ANKS1B: variants seen among roughly 807,000 people sequenced by gnomAD.
The protein encoded by ANKS1B is ankyrin repeat and sterile alpha motif domain-containing protein 1B.
In ANKS1B, 36 loss-of-function variants were observed where a neutral mutation model predicts 148.3. The ratio of observed to expected loss-of-function variants is 0.24; its 90% CI spans 0.19 to 0.32. The LOEUF (loss-of-function observed/expected upper bound fraction) is 0.32. Among genes scored for constraint, ANKS1B ranks in the 10% least tolerant of loss-of-function variants. The pLI is 1.00. For missense variants in ANKS1B, 1,157 were observed against 1,542.6 expected, an observed-to-expected ratio of 0.75 and a Z score of 4.19; for synonymous variants, 542 against 560.8, an observed-to-expected ratio of 0.97 and a Z score of 0.47.
At chr12:98,929,041 T>TACAC (rs146522154) in intron 17 of ANKS1B, among the ~76,000 whole-genome samples, 4 of 144,826 alleles carry the variant, frequency 2.8e-5, no homozygotes, top group African/African-American at 2.6e-5. Context: ...AAAACCCTAA[T>TACAC]ACACACACAC....
chr12:99,428,894 G>C (rs1416476454), intron 11 of ANKS1B, among the ~76,000 whole-genome samples: 1 of 152,120 alleles, frequency 6.6e-6, no homozygotes, highest in Non-Finnish European at 1.5e-5. Flanking sequence ...CAGAAAGTAA[G>C]GAATGCTCAA....
chr12:99,537,460 T>C lies in ANKS1B; in HGVS notation c.1273-32819A>G, dbSNP rs189794816. Among the ~76,000 whole-genome samples, 490 of 152,268 alleles carry C rather than the reference T, an allele frequency of 3.2e-3. 5 individuals carry two copies. The highest frequency in any genetic ancestry group is 5.6e-3 in the Non-Finnish European group (378 of 67,974). ...GTCTTCTGAATTAAGCCATTTTAAC[T>C]GGGTAAGATGATAGCTCATTGCAGT... On this transcript the variant is annotated intron_variant, in intron 9 of 26. Coordinates refer to ENST00000683438, the MANE Select transcript of ANKS1B (RefSeq NM_001352186.2).
intron 10 of ANKS1B, among the ~76,000 whole-genome samples, chr12:99,487,589 T>C (rs868714159): frequency 6.6e-6 from 1 of 150,450 alleles, no homozygotes; most frequent in Non-Finnish European, 1.5e-5. Context: ...CATGTATGTC[T>C]TTAGTAATTT....
At chr12:98,971,023 G>T (rs986487371) in intron 17 of ANKS1B, among the ~76,000 whole-genome samples, 5 of 152,128 alleles carry the variant, frequency 3.3e-5, no homozygotes, top group African/African-American at 1.2e-4. Context: ...AAGTTTCTAT[G>T]CTGTAAGAGC....
At chr12:99,154,480 ATTGCCACATCATGC>A in intron 14 of ANKS1B, 85 bp from the exon 15 acceptor site, 1 of 1,612,094 alleles carries the variant, frequency 6.2e-7, no homozygotes, top group Admixed American at 1.7e-5. Context: ...GAGAGGTGGC[ATTGCCACATCATGC>A]CCCTGGGAAA....
chr12:98,744,571 AAAATT>A lies in ANKS1B; in HGVS notation c.*1163_*1167del. ...TACAAATACTCCACAGAGACATTAAAAAATTAAAATACCTTAAAGAAATGTAAGTA... is the reference window on the plus strand; with the variant it reads ...TACAAATACTCCACAGAGACATTAAAAAAATACCTTAAAGAAATGTAAGTA... On this transcript the variant is annotated 3_prime_UTR_variant, in exon 27 of 27. Transcript: ENST00000683438. 2 of 683,124 alleles carry A rather than the reference AAAATT, an allele frequency of 2.9e-6. No homozygotes were observed. The highest frequency in any genetic ancestry group is 6.7e-5 in the South Asian group (1 of 14,866). The allele number at this position is 683,124 out of a possible 1,614,324, so 42.3% of individuals were successfully genotyped here. A position where few individuals can be genotyped will look rare whatever the true frequency, so the allele number is the denominator to read the frequency against.
intron 4 of ANKS1B, among the ~76,000 whole-genome samples, chr12:99,787,698 C>T (rs1323289702): frequency 6.6e-6 from 1 of 152,206 alleles, no homozygotes; most frequent in East Asian, 1.9e-4. Context: ...TTTTAACTTC[C>T]TACTGCTGAA....
At chr12:98,992,433 T>C (rs1472016503) in intron 17 of ANKS1B, among the ~76,000 whole-genome samples, 4 of 151,870 alleles carry the variant, frequency 2.6e-5, no homozygotes, top group Non-Finnish European at 5.9e-5. Flanking sequence ...ATCCTGGGGG[T>C]GATTTCCCTC....
At chr12:99,927,263 C>T (rs2153804233) in intron 1 of ANKS1B, among the ~76,000 whole-genome samples, 1 of 152,254 alleles carries the variant, frequency 6.6e-6, no homozygotes, top group South Asian at 2.1e-4. Flanking sequence ...TCAATAAATT[C>T]CCTTTTGGCC....
chr12:98,959,196 A>G (rs1426098056), intron 17 of ANKS1B, among the ~76,000 whole-genome samples: 1 of 152,216 alleles, frequency 6.6e-6, no homozygotes, highest in Admixed American at 6.5e-5. Context: ...TGTATAATGG[A>G]CAAATTAAAT....
chr12:99,079,469 G>T (rs1333662855), intron 16 of ANKS1B, among the ~76,000 whole-genome samples: 1 of 152,108 alleles, frequency 6.6e-6, no homozygotes, highest in Non-Finnish European at 1.5e-5. Context: ...TAAAATTCAG[G>T]TGTTCATTAT....
At position 99,984,091 on chromosome 12, in the gene ANKS1B, T is replaced by C. The variant is rs369961401; in HGVS notation, c.134+13A>G. 6.2e-7 allele frequency: 1 copy of C among 1,607,344 alleles called. No individual in the cohort carries two copies. Among genetic ancestry groups the C allele is most frequent in the Admixed American group, 1.7e-5 (1 of 59,398 alleles). On this transcript the variant is annotated intron_variant, in intron 1 of 26. Coordinates refer to ENST00000683438, the MANE Select transcript of ANKS1B (RefSeq NM_001352186.2). ...TGAGGTGTGCCAACCCCGGAGCTGGTGCCCGTCCTTACCTTAGCAGATTAG... is the reference window on the plus strand; with the variant it reads ...TGAGGTGTGCCAACCCCGGAGCTGGCGCCCGTCCTTACCTTAGCAGATTAG...
At chr12:99,634,253 T>A (rs1461896272) in intron 9 of ANKS1B, among the ~76,000 whole-genome samples, 2 of 152,068 alleles carry the variant, frequency 1.3e-5, no homozygotes, top group African/African-American at 4.8e-5. Context: ...AATGGATTAA[T>A]GGGCTATCAT....
chr12:99,479,004 C>G (rs2096369451), intron 10 of ANKS1B, among the ~76,000 whole-genome samples: 1 of 151,900 alleles, frequency 6.6e-6, no homozygotes, highest in African/African-American at 2.4e-5. Flanking sequence ...ACAAAAATTA[C>G]TAATAAAATA....
chr12:99,628,678 T>C (rs1287482453), intron 9 of ANKS1B, among the ~76,000 whole-genome samples: 1 of 152,180 alleles, frequency 6.6e-6, no homozygotes, highest in African/African-American at 2.4e-5. Flanking sequence ...TGGCTCACAG[T>C]TCTGGAGGAT....
At chr12:99,401,508 T>G (rs1342728955) in intron 11 of ANKS1B, among the ~76,000 whole-genome samples, 1 of 146,776 alleles carries the variant, frequency 6.8e-6, no homozygotes, top group Non-Finnish European at 1.5e-5. Flanking sequence ...TACATGTTTC[T>G]GAATCCTGAC....
intron 9 of ANKS1B, among the ~76,000 whole-genome samples, chr12:99,609,692 G>A (rs1208113862): frequency 2.6e-5 from 4 of 152,058 alleles, no homozygotes; most frequent in Non-Finnish European, 5.9e-5. Context: ...TCTTAAGGCC[G>A]AACTCTCAGG....
At chr12:98,885,163 T>G (rs777908509) in intron 17 of ANKS1B, among the ~76,000 whole-genome samples, 5 of 152,114 alleles carry the variant, frequency 3.3e-5, no homozygotes, top group Admixed American at 6.6e-5. Flanking sequence ...TTAAACTGCT[T>G]CACAGAACTT....
intron 17 of ANKS1B, among the ~76,000 whole-genome samples, chr12:98,992,145 A>G (rs1177103940): frequency 2.6e-5 from 4 of 152,166 alleles, no homozygotes; most frequent in African/African-American, 9.7e-5. Flanking sequence ...TCTTCCTGAC[A>G]TTCACCAAAT....
Sources: gnomAD v4.1 joint callset for allele counts (sites outside exome capture counted in the v4.1 genomes callset) on GRCh38, gnomAD v4.1.1 for gene constraint, MANE v1.5 for transcripts, NCBI Gene and HGNC (gene_info 2026-07-23, HGNC 2026-07-21) for gene names.